ITGA8: variants seen among roughly 807,000 people sequenced by gnomAD.
ITGA8 encodes the protein integrin subunit alpha 8, also known as integrin alpha-8.
Under a neutral mutation model 142.3 loss-of-function variants are expected in ITGA8, and 91 were observed. The ratio of observed to expected loss-of-function variants is 0.64; its 90% CI spans 0.54 to 0.76. The LOEUF (loss-of-function observed/expected upper bound fraction) is 0.76. Among genes scored for constraint, ITGA8 ranks in the 30% least tolerant of loss-of-function variants. The pLI is 0.00. For missense variants in ITGA8, 1,406 were observed against 1,327.7 expected, an observed-to-expected ratio of 1.06 and a Z score of -0.92; for synonymous variants, 505 against 485.2, an observed-to-expected ratio of 1.04 and a Z score of -0.54.
chr10:15,637,130 G>T (rs1833785216), intron 13 of ITGA8, among the ~76,000 whole-genome samples: 1 of 152,206 alleles, frequency 6.6e-6, no homozygotes, highest in African/African-American at 2.4e-5. Flanking sequence ...GGGCGATAGA[G>T]TGAGACTCTG....
Position 15,608,325 on chromosome 10 carries a change from A to G in ITGA8, c.1554-35T>C, listed in dbSNP as rs375227402. The G allele has an allele frequency of 3.4e-4, 468 of 1,395,084 alleles. 2 individuals carry two copies. The Middle Eastern group carries it at 6.7e-3, about 20-fold the overall frequency. The allele number at this position is 1,395,084 out of a possible 1,614,324, so 86.4% of individuals were successfully genotyped here. ...ATAGTAGTAATTTATTGGTTAATAA[A>G]GTTTTGAATCTAAAGTAGAAGCCTT... On this transcript the variant is annotated intron_variant, in intron 15 of 29. Transcript: ENST00000378076.
At chr10:15,574,668 C>T (rs749667082) in intron 24 of ITGA8, among the ~76,000 whole-genome samples, 41 of 151,700 alleles carry the variant, frequency 2.7e-4, no homozygotes, top group African/African-American at 7.7e-4. Context: ...GGATTACAGG[C>T]GTGAGCCACC....
chr10:15,546,160 C>T (rs561452519), intron 27 of ITGA8, among the ~76,000 whole-genome samples: 2 of 152,274 alleles, frequency 1.3e-5, no homozygotes, highest in African/African-American at 2.4e-5. Flanking sequence ...CAGAAGCAGC[C>T]GCACTCCCTA....
intron 13 of ITGA8, among the ~76,000 whole-genome samples, chr10:15,638,518 G>A (rs1833812096): frequency 6.6e-6 from 1 of 152,206 alleles, no homozygotes; most frequent in Non-Finnish European, 1.5e-5. Context: ...TTTAGACAGA[G>A]CTGCTAAGCA....
At position 15,572,676 on chromosome 10, in the gene ITGA8, A is replaced by G. The variant is rs964030421; in HGVS notation, c.2479-307T>C. ...GTTTTAAATTTATGTTAATTTAATC[A>G]TAGCGCTAGAAATTTTAATTTTGAT... On this transcript the variant is annotated intron_variant, in intron 24 of 29. Transcript: ENST00000378076. 2.6e-5 allele frequency among the ~76,000 whole-genome samples: 4 copies of G among 152,184 alleles called. No homozygotes were observed. The South Asian group carries it at 6.2e-4, about 24-fold the overall frequency.
intron 4 of ITGA8, among the ~76,000 whole-genome samples, chr10:15,681,615 C>T (rs969907400): frequency 2.0e-5 from 3 of 152,188 alleles, no homozygotes; most frequent in African/African-American, 7.2e-5. Flanking sequence ...TCACATCCCA[C>T]ACAGGTAGTC....
chr10:15,550,138 G>T (rs911413514), intron 26 of ITGA8, among the ~76,000 whole-genome samples: 1 of 152,108 alleles, frequency 6.6e-6, no homozygotes, highest in East Asian at 1.9e-4. Context: ...CTTTATAAGG[G>T]GTTTCCTCTT....
chr10:15,580,476 A>G (rs979279512), intron 23 of ITGA8, among the ~76,000 whole-genome samples: 6 of 152,180 alleles, frequency 3.9e-5, no homozygotes, highest in African/African-American at 1.4e-4. Flanking sequence ...AGATATTGCG[A>G]GAAAGGAAAA....
Position 15,548,494 on chromosome 10 carries a change from C to G in ITGA8, c.2841G>C (p.Leu947=). ...GRLEGGESAV[L]KVRSRLWAHT... ...GGGCCCATAATCGTGACCTGACTTTCAGGACTGCGCTTTCTCCTCCTTCGA... is the reference window on the plus strand; with the variant it reads ...GGGCCCATAATCGTGACCTGACTTTGAGGACTGCGCTTTCTCCTCCTTCGA... The change falls in exon 27 of 30, where the codon CTG becomes CTC. Residue 947 remains leucine, a synonymous_variant. Transcript: ENST00000378076. The G allele has an allele frequency of 1.2e-6, 2 of 1,603,724 alleles. No homozygotes were observed. Among genetic ancestry groups the G allele is most frequent in the South Asian group, 1.1e-5 (1 of 88,758 alleles).
At chr10:15,661,001 G>T in intron 8 of ITGA8, 79 bp from the exon 9 acceptor site, 2 of 1,279,996 alleles carry the variant, frequency 1.6e-6, no homozygotes, top group African/African-American at 1.5e-5. Flanking sequence ...TACTAAAAGT[G>T]GTAAAGACAG....
chr10:15,667,755 T>A (rs1834424488), intron 8 of ITGA8, among the ~76,000 whole-genome samples: 2 of 152,174 alleles, frequency 1.3e-5, no homozygotes, highest in South Asian at 4.2e-4. Context: ...CATCTTTATT[T>A]CTGCCTTCAT....
chr10:15,611,524 C>T (rs1282814735), intron 15 of ITGA8: 1 of 146,650 alleles, frequency 6.8e-6, no homozygotes, highest in African/African-American at 2.5e-5. Context: ...CAGAGTCTCC[C>T]TCTGTCACCC....
At chr10:15,573,530 C>T (rs1354105011) in intron 24 of ITGA8, among the ~76,000 whole-genome samples, 1 of 151,992 alleles carries the variant, frequency 6.6e-6, no homozygotes, top group East Asian at 1.9e-4. Context: ...TTGGACAAGG[C>T]TCCTGAATCT....
intron 29 of ITGA8, among the ~76,000 whole-genome samples, chr10:15,518,429 T>G (rs921480): frequency 0.96 from 146,638 of 152,342 alleles, 70,793 homozygotes; most frequent in Non-Finnish European, 1. Flanking sequence ...GTGTAGGATG[T>G]CACAAAGAGC....
intron 13 of ITGA8, among the ~76,000 whole-genome samples, chr10:15,629,203 G>A (rs1300339024): frequency 6.6e-6 from 1 of 151,920 alleles, no homozygotes; most frequent in Non-Finnish European, 1.5e-5. Flanking sequence ...CTAGGAACTG[G>A]GTCACACAAA....
chr10:15,579,986 C>T (rs1222993753), intron 23 of ITGA8, among the ~76,000 whole-genome samples: 2 of 147,134 alleles, frequency 1.4e-5, no homozygotes, highest in Admixed American at 6.8e-5. Flanking sequence ...AAAGAGAGCA[C>T]GAGAAAGGAT....
intron 25 of ITGA8, among the ~76,000 whole-genome samples, chr10:15,570,722 A>G (rs1834165009): frequency 6.6e-6 from 1 of 152,124 alleles, no homozygotes; most frequent in African/African-American, 2.4e-5. Context: ...AAGACAAGTC[A>G]TCTATTAATA....
At chr10:15,540,329 T>C (rs988454377) in intron 27 of ITGA8, among the ~76,000 whole-genome samples, 5 of 152,200 alleles carry the variant, frequency 3.3e-5, no homozygotes, top group African/African-American at 1.2e-4. Flanking sequence ...ATGATGAATC[T>C]GCTCTCTGCC....
chr10:15,713,406 C>A (rs1294577116), intron 2 of ITGA8, among the ~76,000 whole-genome samples: 2 of 152,146 alleles, frequency 1.3e-5, no homozygotes, highest in East Asian at 3.8e-4. Context: ...AGGAGGTTAT[C>A]TTTGGGCTTC....
Sources: allele counts gnomAD v4.1 joint callset (sites outside exome capture counted in the v4.1 genomes callset), GRCh38; gene constraint gnomAD v4.1.1; transcripts MANE v1.5; gene names NCBI Gene and HGNC (gene_info 2026-07-23, HGNC 2026-07-21).